The following TTC6 variants were observed in gnomAD, a reference collection of about 807,000 sequenced individuals.
TTC6 encodes the protein tetratricopeptide repeat domain 6, also known as tetratricopeptide repeat protein 6.
Under a neutral mutation model 210.4 loss-of-function variants are expected in TTC6, and 172 were observed. The observed-to-expected ratio is 0.82, with a 90% CI of 0.72 to 0.93. TTC6 has a LOEUF of 0.93. Ranked by LOEUF, TTC6 falls within the 40% of genes least tolerant of loss-of-function variation. The pLI is 0.00. For synonymous variants in TTC6, 804 were observed against 819.6 expected (o/e 0.98, Z 0.32); for missense variants, 2,414 against 2,318.1 (o/e 1.04, Z -0.85).
At chr14:37,609,283 G>A (rs2095630452) in intron 2 of TTC6, among the ~76,000 whole-genome samples, 1 of 152,030 alleles carries the variant, frequency 6.6e-6, no homozygotes, top group East Asian at 1.9e-4. Context: ...GGGCATGCTG[G>A]TACACTCCTG....
rs545392163 is a variant in TTC6, at chr14:37,817,762, G to A, written c.4763+111G>A. On this transcript the variant is annotated intron_variant, in intron 26 of 30. Transcript: ENST00000553443. ...AATGGAAGAAACTGGGAGAAATTGT[G>A]AATGTTATAGAGTACAAAAATGGGG... The A allele has an allele frequency of 1.6e-5, 17 of 1,065,634 alleles. No individual in the cohort carries two copies. In the East Asian group the frequency reaches 4.1e-4, roughly 26 times the overall value. 66.0% of individuals were successfully genotyped at this position (1,065,634 alleles called of 1,614,324 possible).
At chr14:37,815,759 T>G (rs1428134331) in intron 25 of TTC6, among the ~76,000 whole-genome samples, 2 of 152,158 alleles carry the variant, frequency 1.3e-5, no homozygotes, top group African/African-American at 4.8e-5. Context: ...ATTAGAGAGA[T>G]AATTAATGCA....
intron 2 of TTC6, among the ~76,000 whole-genome samples, chr14:37,611,094 G>A (rs2095633498): frequency 6.6e-6 from 1 of 152,240 alleles, no homozygotes; most frequent in Non-Finnish European, 1.5e-5. Flanking sequence ...GTCCAAGTCC[G>A]AGGCTGCCCC....
At chr14:37,702,804 GA>G (rs2095828031) in intron 5 of TTC6, among the ~76,000 whole-genome samples, 1 of 151,952 alleles carries the variant, frequency 6.6e-6, no homozygotes, top group African/African-American at 2.4e-5. Context: ...ATCCTTTCAT[GA>G]ATTAAAAATT....
chr14:37,783,294 G>T (rs1044916409), intron 14 of TTC6, among the ~76,000 whole-genome samples: 5 of 152,136 alleles, frequency 3.3e-5, no homozygotes, highest in Admixed American at 6.5e-5. Flanking sequence ...CTTAATTATT[G>T]CCTCAATTTC....
chr14:37,629,962 C>T (rs543811657), intron 1 of TTC6, among the ~76,000 whole-genome samples: 5 of 152,160 alleles, frequency 3.3e-5, no homozygotes, highest in Non-Finnish European at 5.9e-5. Flanking sequence ...GAAGCCGACT[C>T]GATCATAGTG....
chr14:37,812,126 CA>C (rs1340731609), intron 24 of TTC6, among the ~76,000 whole-genome samples, 187 bp from the exon 27 acceptor site: 4 of 152,144 alleles, frequency 2.6e-5, no homozygotes, highest in African/African-American at 9.7e-5. Context: ...TGGAAAGTAT[CA>C]AGGTCCATCA....
intron 1 of TTC6, among the ~76,000 whole-genome samples, chr14:37,599,589 A>G (rs1469292788): frequency 2.0e-5 from 3 of 152,016 alleles, no homozygotes; most frequent in East Asian, 1.9e-4. Context: ...GACCTAGCTC[A>G]CCCGCAGCCG....
At chr14:37,681,704 T>G (rs1438850457) in intron 2 of TTC6, among the ~76,000 whole-genome samples, 1 of 152,092 alleles carries the variant, frequency 6.6e-6, no homozygotes, top group African/African-American at 2.4e-5. Flanking sequence ...AGTGGTTTGC[T>G]GGGGGCTTTT....
intron 2 of TTC6, among the ~76,000 whole-genome samples, chr14:37,614,243 G>A (rs1461091706): frequency 6.6e-6 from 1 of 151,574 alleles, no homozygotes; most frequent in Non-Finnish European, 1.5e-5. Flanking sequence ...GCACCTCTTT[G>A]TATTACTTTA....
At chr14:37,841,088 C>T (rs1417938407) in intron 29 of TTC6, among the ~76,000 whole-genome samples, 3 of 152,058 alleles carry the variant, frequency 2.0e-5, no homozygotes, top group Admixed American at 6.5e-5. Flanking sequence ...AGGCTGGTCT[C>T]GAACTCCTGA....
intron 6 of TTC6, among the ~76,000 whole-genome samples, chr14:37,716,800 A>T: frequency 6.6e-6 from 1 of 152,134 alleles, no homozygotes; most frequent in East Asian, 1.9e-4. Flanking sequence ...AACCTCATCA[A>T]CCAGTAGGTT....
chr14:37,646,793 T>G (rs920314151), intron 1 of TTC6, among the ~76,000 whole-genome samples: 1 of 152,156 alleles, frequency 6.6e-6, no homozygotes, highest in Non-Finnish European at 1.5e-5. Flanking sequence ...ATGAAATAGG[T>G]GTGTTGTTTT....
At chr14:37,655,783 AG>A in intron 1 of TTC6, among the ~76,000 whole-genome samples, 1 of 152,254 alleles carries the variant, frequency 6.6e-6, no homozygotes, top group East Asian at 1.9e-4. Flanking sequence ...GGACATTAAT[AG>A]GGGTCTTTGT....
chr14:37,645,966 A>G (rs953776179), intron 1 of TTC6, among the ~76,000 whole-genome samples: 2 of 152,224 alleles, frequency 1.3e-5, no homozygotes, highest in African/African-American at 4.8e-5. Context: ...AGGAACAATG[A>G]CAGTAATATG....
At chr14:37,672,916 A>G (rs919753769) in intron 1 of TTC6, among the ~76,000 whole-genome samples, 1 of 151,662 alleles carries the variant, frequency 6.6e-6, no homozygotes, top group African/African-American at 2.4e-5. Flanking sequence ...ATTTACTTGA[A>G]ACCCAATAAT....
chr14:37,770,200 G>T (rs1856254328), intron 14 of TTC6, among the ~76,000 whole-genome samples: 1 of 152,098 alleles, frequency 6.6e-6, no homozygotes, highest in South Asian at 2.1e-4. Context: ...TTTTACATTT[G>T]CTGAGGAGAG....
At chr14:37,836,134 A>C (rs2096197323) in intron 29 of TTC6, among the ~76,000 whole-genome samples, 1 of 152,150 alleles carries the variant, frequency 6.6e-6, no homozygotes, top group Non-Finnish European at 1.5e-5. Flanking sequence ...CTTCATGTAA[A>C]TCCTCTCTCA....
intron 14 of TTC6, among the ~76,000 whole-genome samples, chr14:37,763,727 A>T (rs1220778264): frequency 6.6e-6 from 1 of 151,934 alleles, no homozygotes; most frequent in Non-Finnish European, 1.5e-5. Flanking sequence ...AGGAATTGTC[A>T]ATTTTGTTGA....
Sources: allele counts gnomAD v4.1 joint callset (sites outside exome capture counted in the v4.1 genomes callset), GRCh38; gene constraint gnomAD v4.1.1; transcripts MANE v1.5; gene names NCBI Gene and HGNC (gene_info 2026-07-23, HGNC 2026-07-21).